Variants in GLRB observed in about 807,000 individuals in gnomAD.
The protein encoded by GLRB is glycine receptor subunit beta.
GLRB carries 33 observed loss-of-function variants against 54.2 expected under a neutral mutation model. That is an observed-to-expected ratio of 0.61 (90% CI 0.46 to 0.81). The LOEUF (loss-of-function observed/expected upper bound fraction) is 0.81. Among genes scored for constraint, GLRB ranks in the 40% least tolerant of loss-of-function variants. GLRB has a pLI of 0.00. For synonymous variants in GLRB, 209 were observed against 208.2 expected (o/e 1.00, Z -0.03); for missense variants, 572 against 584.6 (o/e 0.98, Z 0.22).
chr4:157,131,229 C>G (rs1337870978), intron 4 of GLRB, among the ~76,000 whole-genome samples: 1 of 151,690 alleles, frequency 6.6e-6, no homozygotes, highest in East Asian at 1.9e-4. Context: ...TTTGCCTTAT[C>G]TTAAAACTTG....
chr4:157,170,385 G>GT (rs1560982157), intron 9 of GLRB, 47 bp from the exon 10 acceptor site: 2 of 1,110,506 alleles, frequency 1.8e-6, no homozygotes, highest in Admixed American at 1.8e-5. Flanking sequence ...GATGTGTTTC[G>GT]TAAGTAGAAA....
At chr4:157,099,993 A>T (rs1429954041) in intron 2 of GLRB, among the ~76,000 whole-genome samples, 1 of 152,094 alleles carries the variant, frequency 6.6e-6, no homozygotes, top group East Asian at 1.9e-4. Context: ...AAAAATGTTG[A>T]TTTTCTTATT....
intron 7 of GLRB, among the ~76,000 whole-genome samples, chr4:157,140,933 A>G (rs1736583419): frequency 6.6e-6 from 1 of 151,784 alleles, no homozygotes; most frequent in Non-Finnish European, 1.5e-5. Context: ...AAGTCCTAGG[A>G]GTGTTCATTT....
At chr4:157,076,986 GAA>G (rs1734062667) in intron 1 of GLRB, among the ~76,000 whole-genome samples, 3 of 94,140 alleles carry the variant, frequency 3.2e-5, no homozygotes, top group African/African-American at 4.3e-5. Flanking sequence ...GGGGGGGGGG[GAA>G]GATGAAAAAC....
chr4:157,137,080 T>C (rs779975039), intron 6 of GLRB, among the ~76,000 whole-genome samples, 194 bp downstream of exon 6: 13 of 152,158 alleles, frequency 8.5e-5, no homozygotes, highest in Non-Finnish European at 1.8e-4. Flanking sequence ...AGATAAATCA[T>C]TTTTGTACTA....
chr4:157,170,282 T>C, intron 9 of GLRB, 150 bp from the exon 10 acceptor site: 1 of 612,632 alleles, frequency 1.6e-6, no homozygotes, highest in East Asian at 2.8e-5. Context: ...AATCTGATGG[T>C]TTAATCAGAT....
intron 9 of GLRB, among the ~76,000 whole-genome samples, chr4:157,161,261 T>C (rs1213243725): frequency 1.3e-5 from 2 of 152,242 alleles, no homozygotes; most frequent in African/African-American, 4.8e-5. Flanking sequence ...TACAGCACAC[T>C]GATGGGTCTT....
intron 9 of GLRB, among the ~76,000 whole-genome samples, chr4:157,156,606 T>C (rs1444682483): frequency 6.6e-6 from 1 of 152,190 alleles, no homozygotes; most frequent in Non-Finnish European, 1.5e-5. Flanking sequence ...ACACTGATTT[T>C]TTTCCTCTGC....
At chr4:157,160,327 T>C (rs1328491878) in intron 9 of GLRB, among the ~76,000 whole-genome samples, 1 of 152,182 alleles carries the variant, frequency 6.6e-6, no homozygotes, top group Non-Finnish European at 1.5e-5. Flanking sequence ...TGTGCCTCTG[T>C]CTCCTTCAGT....
chr4:157,086,890 C>T (rs1388105045), intron 2 of GLRB, among the ~76,000 whole-genome samples: 1 of 152,034 alleles, frequency 6.6e-6, no homozygotes, highest in African/African-American at 2.4e-5. Context: ...TGAAATTAAA[C>T]TCCCTGTTCT....
chr4:157,127,174 A>G (rs1736044645), intron 4 of GLRB, among the ~76,000 whole-genome samples: 1 of 151,746 alleles, frequency 6.6e-6, no homozygotes, highest in Admixed American at 6.6e-5. Context: ...TAGATTTAAA[A>G]TGCTTTCCTT....
chr4:157,119,005 CA>C (rs1427422663), intron 2 of GLRB, among the ~76,000 whole-genome samples: 1 of 151,398 alleles, frequency 6.6e-6, no homozygotes, highest in African/African-American at 2.4e-5. Flanking sequence ...CAAACTCAAA[CA>C]AAAACAACAA....
At chr4:157,168,396 A>G (rs1737796323) in intron 9 of GLRB, among the ~76,000 whole-genome samples, 1 of 152,158 alleles carries the variant, frequency 6.6e-6, no homozygotes, top group Admixed American at 6.5e-5. Flanking sequence ...ATTGTTCCTT[A>G]TGAATATGTG....
chr4:157,078,009 A>C lies in GLRB; in HGVS notation c.-16A>C. On this transcript the variant is annotated 5_prime_UTR_variant, in exon 2 of 10. Coordinates refer to ENST00000264428, the MANE Select transcript of GLRB (RefSeq NM_000824.5). Reference sequence around the variant, plus strand: ...TCTCTCTTGTAGATCGATCTTCTGAAATTCAAGTTTTCAAGATGAAGTTTT... The same window carrying C: ...TCTCTCTTGTAGATCGATCTTCTGACATTCAAGTTTTCAAGATGAAGTTTT... 1 of 1,602,802 alleles carries C rather than the reference A, an allele frequency of 6.2e-7. No homozygotes were observed. The highest frequency in any genetic ancestry group is 1.7e-4 in the Middle Eastern group (1 of 5,798).
intron 2 of GLRB, among the ~76,000 whole-genome samples, chr4:157,090,705 A>T (rs1011611752): frequency 4.6e-5 from 7 of 152,124 alleles, no homozygotes; most frequent in African/African-American, 1.4e-4. Flanking sequence ...ATTGTGATTG[A>T]TTTTATAACA....
At chr4:157,112,216 G>A (rs182196637) in intron 2 of GLRB, among the ~76,000 whole-genome samples, 16 of 151,796 alleles carry the variant, frequency 1.1e-4, no homozygotes, top group African/African-American at 3.4e-4. Flanking sequence ...GATGGGATGA[G>A]GTATCAGTAA....
At chr4:157,120,946 A>G (rs1176676801) in intron 3 of GLRB, among the ~76,000 whole-genome samples, 1 of 151,672 alleles carries the variant, frequency 6.6e-6, no homozygotes, top group African/African-American at 2.4e-5. Flanking sequence ...TGGGTTTTCT[A>G]AGTACTATTC....
intron 1 of GLRB, among the ~76,000 whole-genome samples, chr4:157,077,654 C>T (rs556708893): frequency 2.0e-4 from 30 of 151,384 alleles, no homozygotes; most frequent in Non-Finnish European, 3.4e-4. Flanking sequence ...TCTTTCTGAA[C>T]ATATTTTTGA....
rs77358282 is a variant in GLRB, at chr4:157,085,175, C to G, written c.122+7029C>G. Among the ~76,000 whole-genome samples, 914 of 152,246 alleles carry G rather than the reference C, an allele frequency of 6.0e-3. 5 individuals are homozygous for G. Among genetic ancestry groups the G allele is most frequent in the African/African-American group, 0.016 (680 of 41,546 alleles). On this transcript the variant is annotated intron_variant, in intron 2 of 9. Coordinates refer to ENST00000264428, the MANE Select transcript of GLRB (RefSeq NM_000824.5). ...ATGAGCTTAAATGGAACCTAACATT[C>G]TCTTAAAATGATCTCCTATATCTGC...
Sources: allele counts gnomAD v4.1 joint callset (sites outside exome capture counted in the v4.1 genomes callset), GRCh38; gene constraint gnomAD v4.1.1; transcripts MANE v1.5; gene names NCBI Gene and HGNC (gene_info 2026-07-23, HGNC 2026-07-21).